LCT: variants seen among roughly 807,000 people sequenced by gnomAD.
The protein encoded by LCT is lactase/phlorizin hydrolase.
In LCT, 90 loss-of-function variants were observed where a neutral mutation model predicts 173.0. That is an observed-to-expected ratio of 0.52 (90% CI 0.44 to 0.62). LCT has a LOEUF of 0.62. Ranked by LOEUF, LCT falls within the 20% of genes least tolerant of loss-of-function variation. LCT has a pLI of 0.00. For missense variants in LCT, 1,864 were observed against 2,431.4 expected (o/e 0.77, Z 4.91); for synonymous variants, 853 against 957.6 (o/e 0.89, Z 2.02).
In LCT at chr2:135,829,733, C is replaced by T. The variant is rs1011847830; in HGVS notation, c.721-57G>A. The T allele has an allele frequency of 5.1e-6, 6 of 1,174,128 alleles. No individual in the cohort carries two copies. In the African/African-American group the frequency reaches 9.1e-5, roughly 18 times the overall value. The allele number at this position is 1,174,128 out of a possible 1,614,324, so 72.7% of individuals were successfully genotyped here. Reference sequence around the variant, plus strand: ...ACCTAAGCACTGTCAAGACTAACAGCCTCTCAGAAGTACGCTTTTTTGTTT... The same window carrying T: ...ACCTAAGCACTGTCAAGACTAACAGTCTCTCAGAAGTACGCTTTTTTGTTT... On this transcript the variant is annotated intron_variant, in intron 2 of 16. Transcript: ENST00000264162.
In LCT at chr2:135,805,016, A is replaced by C. The variant is rs1265381707; in HGVS notation, c.4215T>G (p.Ile1405Met). 2.5e-6 allele frequency: 4 copies of C among 1,614,028 alleles called. No homozygotes were observed. The highest frequency in any genetic ancestry group is 8.5e-7 in the Non-Finnish European group (1 of 1,180,030). Residue 1405 changes from isoleucine to methionine, a missense_variant, in exon 10 of 17, where the codon ATT becomes ATG. Physicochemically the swap from Ile to Met is conservative, Grantham distance 10 (BLOSUM62 1). Around this residue, in one of 4 missense-constraint regions of LCT, gnomAD observed 514 missense variants for 750.1 expected, o/e 0.69. Coordinates refer to ENST00000264162, the MANE Select transcript of LCT (RefSeq NM_002299.4). ...AWRADGKGLSIWDTFSHTPLR... is the reference protein window; with the variant it reads ...AWRADGKGLSMWDTFSHTPLR... ...GTGGTGTGTGAGAAAACGTGTCCCA[A>C]ATGCTGAGTCCTTTGCCATCTGCTC...
intron 6 of LCT, among the ~76,000 whole-genome samples, chr2:135,816,926 T>C (rs1449722299): frequency 6.6e-6 from 1 of 151,940 alleles, no homozygotes; most frequent in Non-Finnish European, 1.5e-5. Flanking sequence ...TGGAGTGCAG[T>C]GGCAAAATCT....
At chr2:135,802,098 G>A (rs2077632332) in intron 11 of LCT, among the ~76,000 whole-genome samples, 1 of 152,164 alleles carries the variant, frequency 6.6e-6, no homozygotes, top group African/African-American at 2.4e-5. Context: ...TGCAAGAGAG[G>A]CGCCTCTCAT....
chr2:135,805,198 T>C (rs984479311), intron 9 of LCT, 141 bp from the exon 10 acceptor site: 6 of 870,890 alleles, frequency 6.9e-6, no homozygotes, highest in African/African-American at 1.7e-5. Context: ...TTGGTCCATG[T>C]GTGGTGGCTC....
intron 15 of LCT, 110 bp from the exon 16 acceptor site, chr2:135,789,908 T>A: frequency 3.5e-6 from 3 of 853,874 alleles, no homozygotes; most frequent in African/African-American, 1.6e-5. Context: ...CCTTCACAGA[T>A]GGCGGTAAGC....
intron 12 of LCT, among the ~76,000 whole-genome samples, chr2:135,800,306 CACTGCA>C (rs1239772042): frequency 6.6e-6 from 1 of 152,142 alleles, no homozygotes; most frequent in Non-Finnish European, 1.5e-5. Context: ...AATCATGGCT[CACTGCA>C]ACCTTGACCT....
At chr2:135,814,236 C>A (rs1272529184) in intron 6 of LCT, among the ~76,000 whole-genome samples, 1 of 152,202 alleles carries the variant, frequency 6.6e-6, no homozygotes, top group Admixed American at 6.5e-5. Context: ...CTTCTCACAT[C>A]CCAAATATTC....
rs1438974007 is a variant in LCT, at chr2:135,817,975, G to A, written c.1073C>T (p.Ala358Val). 1.9e-6 allele frequency: 3 copies of A among 1,613,620 alleles called. No homozygotes were observed. The African/African-American group carries it at 4.0e-5, about 22-fold the overall frequency. Residue 358 changes from alanine to valine, a missense_variant, in exon 6 of 17, where the codon GCC (alanine) becomes GTC (valine). Around this residue, in one of 4 missense-constraint regions of LCT, gnomAD observed 412 missense variants for 462.0 expected, o/e 0.89. Coordinates refer to ENST00000264162, the MANE Select transcript of LCT (RefSeq NM_002299.4). The part of the protein sequence containing the change: ...HETTDSSPAS[A>V]YQRIWEAFAN... ...AAATGCTTCCCAGATTCTCTGATAG[G>A]CAGAGGCAGGAGAGGAGTCCGTGGT...
At position 135,809,791 on chromosome 2, in the gene LCT, T is replaced by C. The variant is rs746829595; in HGVS notation, c.2556A>G (p.Ala852=). The part of the protein sequence containing the change: ...IEKNGFLTKG[A]KRLLPPNTVN... ...CTGTATTAGGTGGTAGCAGTCTTTT[T>C]GCCCCCTTGGTGAGGAAACCGTTCT... Residue 852 remains alanine (A), a synonymous_variant, in exon 8 of 17, where the codon GCA becomes GCG. Transcript: ENST00000264162. This position sits in a 1 kb window ranked among gnomAD's most constrained non-coding sequence, Gnocchi z 5.5. 1 of 1,614,204 alleles carries C rather than the reference T, an allele frequency of 6.2e-7. No homozygotes were observed. The highest frequency in any genetic ancestry group is 1.1e-5 in the South Asian group (1 of 91,088).
At chr2:135,805,617 T>C (rs1199784337) in intron 9 of LCT, among the ~76,000 whole-genome samples, 1 of 152,172 alleles carries the variant, frequency 6.6e-6, no homozygotes, top group Non-Finnish European at 1.5e-5. Flanking sequence ...TGAGAGCCAA[T>C]GTGAGCAAAC....
chr2:135,799,207 T>G (rs2077606146), intron 12 of LCT, among the ~76,000 whole-genome samples: 2 of 152,122 alleles, frequency 1.3e-5, no homozygotes, highest in African/African-American at 4.8e-5. Flanking sequence ...TTGTGAAGAG[T>G]TTGGCAAACC....
chr2:135,811,210 AAAAT>A (rs1323695982), intron 7 of LCT, among the ~76,000 whole-genome samples: 1 of 152,026 alleles, frequency 6.6e-6, no homozygotes, highest in Non-Finnish European at 1.5e-5. Flanking sequence ...AATTAAAATT[AAAAT>A]AAATAAATAA....
intron 12 of LCT, among the ~76,000 whole-genome samples, chr2:135,799,999 C>A (rs377753703): frequency 6.6e-6 from 1 of 152,194 alleles, no homozygotes; most frequent in South Asian, 2.1e-4. Flanking sequence ...ATGGAAATTT[C>A]TCTCTAGGAG....
At chr2:135,796,304 G>A (rs944024160) in intron 13 of LCT, among the ~76,000 whole-genome samples, 5 of 152,174 alleles carry the variant, frequency 3.3e-5, no homozygotes, top group African/African-American at 9.7e-5. Context: ...CTTCCCTGGG[G>A]TTTCTGAGAT....
In LCT at chr2:135,790,926, CAA is replaced by C; in HGVS notation, c.5112-47_5112-46del. On this transcript the variant is annotated intron_variant, in intron 14 of 16. Transcript: ENST00000264162. The surrounding 1 kb of genome is among the most constrained non-coding windows in gnomAD (Gnocchi z 4.1). ...AGATGAGGTCTTGTTTTGTAAATCTCAAGAGGCCCTTTACACGAAACACAAAA... is the reference window on the plus strand; with the variant it reads ...AGATGAGGTCTTGTTTTGTAAATCTCGAGGCCCTTTACACGAAACACAAAA... 7.0e-7 allele frequency: 1 copy of C among 1,418,788 alleles called. No homozygotes were observed. The highest frequency in any genetic ancestry group is 1.1e-5 in the South Asian group (1 of 87,016). 87.9% of individuals were successfully genotyped at this position (1,418,788 alleles called of 1,614,324 possible).
In LCT at chr2:135,823,693, C is replaced by T. The variant is rs547595363; in HGVS notation, c.907+208G>A. Among the ~76,000 whole-genome samples, 3 of 152,318 alleles carry T rather than the reference C, an allele frequency of 2.0e-5. No individual in the cohort carries two copies. The South Asian group carries it at 6.2e-4, about 32-fold the overall frequency. On this transcript the variant is annotated intron_variant, in intron 4 of 16. Coordinates refer to ENST00000264162, the MANE Select transcript of LCT (RefSeq NM_002299.4). ...CATAAGAGGCATCCTTGTGTCGAAC[C>T]TCTCCTCTTTCTTGGGTCAATGGGG...
chr2:135,807,313 C>T lies in LCT; in HGVS notation c.3988G>A (p.Val1330Ile). The T allele has an allele frequency of 6.2e-7, 1 of 1,614,206 alleles. No individual in the cohort carries two copies. The highest frequency in any genetic ancestry group is 8.5e-7 in the Non-Finnish European group (1 of 1,180,034). The change falls in exon 9 of 17, where the codon GTC becomes ATC. Residue 1330 changes from valine (V) to isoleucine (I), a missense_variant. Val to Ile is a conservative substitution (Grantham distance 29, BLOSUM62 3). Around this residue, in one of 4 missense-constraint regions of LCT, gnomAD observed 755 missense variants for 926.3 expected, o/e 0.82. Transcript: ENST00000264162. ...TCAACATGGTACAGTCCAAACTTGA[C>T]CGTGTAGCCATTTAGCCACTCAAAG... is the stretch of plus-strand genomic sequence containing the variant. ...DNFEWLNGYT[V>I]KFGLYHVDFN...
chr2:135,824,271 C>T (rs1344233157), intron 3 of LCT, among the ~76,000 whole-genome samples: 1 of 152,164 alleles, frequency 6.6e-6, no homozygotes, highest in Non-Finnish European at 1.5e-5. Context: ...GAGCCAGGCA[C>T]GGTGTTAGGA....
Position 135,798,012 on chromosome 2 carries a change from G to T in LCT, c.4976+17C>A. On this transcript the variant is annotated intron_variant, in intron 13 of 16. Transcript: ENST00000264162. Reference sequence around the variant, plus strand: ...CCGACGCCCATGCCCTCACCACTGCGGGCACCAGGCCCTTACCGAGACTTG... The same window carrying T: ...CCGACGCCCATGCCCTCACCACTGCTGGCACCAGGCCCTTACCGAGACTTG... The T allele has an allele frequency of 6.8e-7, 1 of 1,460,838 alleles. No homozygotes were observed. Among genetic ancestry groups the T allele is most frequent in the South Asian group, 1.1e-5 (1 of 88,472 alleles). The allele number at this position is 1,460,838 out of a possible 1,614,324, so 90.5% of individuals were successfully genotyped here.
Sources: allele counts gnomAD v4.1 joint callset (sites outside exome capture counted in the v4.1 genomes callset), GRCh38; gene constraint gnomAD v4.1.1; regional missense constraint gnomAD v4.1.1; non-coding constraint Gnocchi (gnomAD v3.1); transcripts MANE v1.5; gene names NCBI Gene and HGNC (gene_info 2026-07-23, HGNC 2026-07-21).